ATP11C: variants seen among roughly 807,000 people sequenced by gnomAD.
The protein encoded by ATP11C is ATPase phospholipid transporting 11C (ATP11C blood group), also known as phospholipid-transporting ATPase IG.
In ATP11C, 36 loss-of-function variants were observed where a neutral mutation model predicts 97.4. That is an observed-to-expected ratio of 0.37 (90% CI 0.28 to 0.49). ATP11C has a LOEUF of 0.49. ATP11C is among the 20% of genes least tolerant of loss of function. The probability of loss-of-function intolerance (pLI) is 0.98; values close to 1 mark genes in which losing one functional copy is unlikely to be tolerated. For missense variants in ATP11C, 730 were observed against 824.6 expected (o/e 0.89, Z 1.40); for synonymous variants, 275 against 290.9 (o/e 0.95, Z 0.56).
At chrX:139,929,213 C>A (rs1315199010) in intron 1 of ATP11C, among the ~76,000 whole-genome samples, 1 of 111,680 alleles carries the variant, frequency 9.0e-6, no homozygotes, top group African/African-American at 3.3e-5. Context: ...AGACATCCAA[C>A]TCTTAAATCC....
At chrX:139,759,487 G>T (rs971898972) in intron 22 of ATP11C, among the ~76,000 whole-genome samples, 2 of 111,460 alleles carry the variant, frequency 1.8e-5, no homozygotes, top group East Asian at 5.7e-4. Flanking sequence ...AGACGGTGGA[G>T]AGTAAAGGTT....
intron 1 of ATP11C, among the ~76,000 whole-genome samples, chrX:139,849,159 T>C (rs1185603552): frequency 9.0e-6 from 1 of 111,224 alleles, no homozygotes; most frequent in Non-Finnish European, 1.9e-5. Context: ...TTCCTTCCAG[T>C]TTGAGAAAGA....
intron 1 of ATP11C, among the ~76,000 whole-genome samples, chrX:139,834,717 A>G (rs2083721342): frequency 8.9e-6 from 1 of 112,155 alleles, no homozygotes; most frequent in Admixed American, 9.5e-5. Flanking sequence ...GGAATGCCAC[A>G]GTAAGATAAA....
At chrX:139,745,962 G>T in intron 24 of ATP11C, 105 bp from the exon 25 acceptor site, 1 of 905,900 alleles carries the variant, frequency 1.1e-6, no homozygotes, top group South Asian at 2.8e-5. Context: ...TAATGAAGGG[G>T]GCTACCCTTA....
intron 1 of ATP11C, among the ~76,000 whole-genome samples, chrX:139,857,082 A>G (rs1021061189): frequency 1.3e-4 from 14 of 111,743 alleles, no homozygotes; most frequent in Non-Finnish European, 1.9e-5. Flanking sequence ...GAAAGAAATA[A>G]TAGCCTCAAT....
In ATP11C at chrX:139,757,009, A is replaced by G. The variant is rs777529776; in HGVS notation, c.2700+799T>C. 5.5e-5 allele frequency among the ~76,000 whole-genome samples: 6 copies of G among 109,090 alleles called. No homozygotes were observed. In the South Asian group the frequency reaches 2.4e-3, roughly 43 times the overall value. The allele number at this position is 109,090 out of a possible 115,157, so 94.7% of individuals were successfully genotyped here. On this transcript the variant is annotated intron_variant, in intron 23 of 29. Transcript: ENST00000682941. The stretch of plus-strand genomic sequence containing the variant: ...AAAAAAAAACTGCCAAAGAATTAGG[A>G]AAAAATCACTTCCTACCAGGAGGAC...
chrX:139,881,492 T>C (rs891151558), intron 1 of ATP11C, among the ~76,000 whole-genome samples: 4 of 110,866 alleles, frequency 3.6e-5, no homozygotes, highest in African/African-American at 1.3e-4. Context: ...AATTCTAAGA[T>C]TTGGGATCCC....
intron 5 of ATP11C, among the ~76,000 whole-genome samples, chrX:139,814,314 T>A (rs1207522621): frequency 9.0e-6 from 1 of 111,233 alleles, no homozygotes; most frequent in Non-Finnish European, 1.9e-5. Flanking sequence ...GTACAGGCAC[T>A]ATGGAAAATA....
At chrX:139,921,009 T>C (rs979190737) in intron 1 of ATP11C, among the ~76,000 whole-genome samples, 3 of 111,615 alleles carry the variant, frequency 2.7e-5, no homozygotes, top group African/African-American at 9.8e-5. Context: ...GAAAGGTTAG[T>C]ATTAAGTATG....
chrX:139,786,306 G>C (rs903196182), intron 15 of ATP11C, among the ~76,000 whole-genome samples: 1 of 111,627 alleles, frequency 9.0e-6, no homozygotes, highest in Non-Finnish European at 1.9e-5. Context: ...GTTTTGGTGG[G>C]AGTGAGGGGG....
chrX:139,769,788 G>T (rs2082217718), intron 19 of ATP11C, among the ~76,000 whole-genome samples: 1 of 111,003 alleles, frequency 9.0e-6, no homozygotes, highest in Non-Finnish European at 1.9e-5. Flanking sequence ...AACGTGCAAA[G>T]GAATCACCTG....
At chrX:139,910,828 A>C (rs927274272) in intron 1 of ATP11C, among the ~76,000 whole-genome samples, 1 of 110,782 alleles carries the variant, frequency 9.0e-6, no homozygotes, top group African/African-American at 3.3e-5. Context: ...CATGATAAAA[A>C]AAAAACCCTC....
chrX:139,907,075 CCT>C (rs1284468600), intron 1 of ATP11C, among the ~76,000 whole-genome samples: 38 of 111,473 alleles, frequency 3.4e-4, no homozygotes, highest in Admixed American at 6.7e-4. Flanking sequence ...AACCCTCACC[CCT>C]GACACTTTCT....
At chrX:139,858,691 C>T (rs2084132868) in intron 1 of ATP11C, among the ~76,000 whole-genome samples, 1 of 112,131 alleles carries the variant, frequency 8.9e-6, no homozygotes, top group Non-Finnish European at 1.9e-5. Context: ...ATTATTATCC[C>T]CATTGTACAG....
chrX:139,758,046 T>A (rs1194618236), intron 22 of ATP11C, among the ~76,000 whole-genome samples, 179 bp from the exon 23 acceptor site: 1 of 112,101 alleles, frequency 8.9e-6, no homozygotes, highest in Non-Finnish European at 1.9e-5. Flanking sequence ...TTAATTCATA[T>A]TAAGGCCAAC....
rs1332676000 is a variant in ATP11C, at chrX:139,763,418, T to C, written c.2392A>G (p.Ile798Val). Residue 798 changes from isoleucine (I) to valine (V), a missense_variant and splice_region_variant, in exon 21 of 30, where the codon ATT (isoleucine) becomes GTT (valine). Physicochemically the swap from Ile to Val is conservative, Grantham distance 29. Transcript: ENST00000682941. The stretch of plus-strand genomic sequence containing the variant: ...TTTAAATTCTTCACCATTCTGACAA[T>C]CTAAATATTAAATACAAAAGAGGTG... ...CRMAPLQKAQ[I>V]VRMVKNLKGS... 8.4e-7 allele frequency: 1 copy of C among 1,190,007 alleles called. No individual in the cohort carries two copies. Among genetic ancestry groups the C allele is most frequent in the South Asian group, 1.8e-5 (1 of 56,226 alleles).
In ATP11C at chrX:139,819,423, G is replaced by T. The variant is rs749993412; in HGVS notation, c.152C>A (p.Thr51Lys). ...CDNRIVSSKY[T>K]LWNFLPKNLF... ...ATTCTTTGGGAGAAAATTCCAAAGT[G>T]TATACTGTAAGGGAGGAAGAAAAAA... The change falls in exon 3 of 30, where the codon ACA (threonine) becomes AAA (lysine). Residue 51 changes from threonine (T) to lysine (K), a missense_variant. Physicochemically the swap from Thr to Lys is moderately conservative, Grantham distance 78. Coordinates refer to ENST00000682941, the MANE Select transcript of ATP11C (RefSeq NM_001353812.2). 4.5e-5 allele frequency: 48 copies of T among 1,060,023 alleles called. No individual in the cohort carries two copies. The highest frequency in any genetic ancestry group is 6.0e-5 in the Non-Finnish European group (47 of 788,896). The allele number at this position is 1,060,023 out of a possible 1,213,427, so 87.4% of individuals were successfully genotyped here.
At chrX:139,788,109 T>C in intron 14 of ATP11C, 83 bp downstream of exon 14, 1 of 929,206 alleles carries the variant, frequency 1.1e-6, no homozygotes, top group Admixed American at 3.1e-5. Context: ...CTAAGGTCAC[T>C]GAAGCAAACG....
At chrX:139,736,778 C>T (rs2081452667) in intron 28 of ATP11C, among the ~76,000 whole-genome samples, 1 of 111,372 alleles carries the variant, frequency 9.0e-6, no homozygotes, top group Non-Finnish European at 1.9e-5. Context: ...CCTAATTACA[C>T]ACTGACTGGC....
Sources: gnomAD v4.1 joint callset for allele counts (sites outside exome capture counted in the v4.1 genomes callset) on GRCh38, gnomAD v4.1.1 for gene constraint, MANE v1.5 for transcripts, NCBI Gene and HGNC (gene_info 2026-07-23, HGNC 2026-07-21) for gene names.